Variants in GRXCR1 observed in about 807,000 individuals in gnomAD.
The protein encoded by GRXCR1 is glutaredoxin and cysteine rich domain containing 1, also known as glutaredoxin domain-containing cysteine-rich protein 1.
Under a neutral mutation model 27.3 loss-of-function variants are expected in GRXCR1, and 27 were observed. The observed-to-expected ratio is 0.99, with a 90% CI of 0.73 to 1.37. GRXCR1 has a LOEUF of 1.37. Ranked by LOEUF, GRXCR1 falls within the 40% of genes most tolerant of loss-of-function variation. The pLI is 0.00. For missense variants in GRXCR1, 379 were observed against 354.4 expected, an observed-to-expected ratio of 1.07 and a Z score of -0.56; for synonymous variants, 122 against 131.1, an observed-to-expected ratio of 0.93 and a Z score of 0.47.
At chr4:42,957,364 A>G (rs13133115) in intron 1 of GRXCR1, among the ~76,000 whole-genome samples, 1 of 152,020 alleles carries the variant, frequency 6.6e-6, no homozygotes, top group African/African-American at 2.4e-5. Context: ...TTTGCTCACC[A>G]TTATACACCT....
chr4:43,018,997 A>G (rs1052356848), intron 2 of GRXCR1, among the ~76,000 whole-genome samples: 4 of 152,296 alleles, frequency 2.6e-5, no homozygotes, highest in Admixed American at 6.5e-5. Context: ...TATCAGTTTG[A>G]CATTTTTTAT....
intron 2 of GRXCR1, among the ~76,000 whole-genome samples, chr4:42,998,309 TTAA>T (rs1386779910): frequency 1.3e-5 from 2 of 152,230 alleles, no homozygotes; most frequent in Non-Finnish European, 2.9e-5. Context: ...GACCCCTTTC[TTAA>T]TAAAGATAAA....
intron 2 of GRXCR1, 46 bp downstream of exon 2, chr4:42,963,180 G>A (rs755823447): frequency 1.4e-5 from 22 of 1,600,864 alleles, no homozygotes; most frequent in Non-Finnish European, 1.5e-5. Flanking sequence ...ACCCAACCAG[G>A]GCTGATAGAA....
chr4:43,009,837 G>A (rs142679121), intron 2 of GRXCR1, among the ~76,000 whole-genome samples: 18 of 152,254 alleles, frequency 1.2e-4, no homozygotes, highest in South Asian at 4.1e-4. Flanking sequence ...TCATTCTACA[G>A]CAATACATTT....
chr4:42,976,789 T>A (rs11947299), intron 2 of GRXCR1, among the ~76,000 whole-genome samples: 1 of 152,028 alleles, frequency 6.6e-6, no homozygotes, highest in South Asian at 2.1e-4. Context: ...TAACATAGCA[T>A]TATCTCACAT....
At chr4:43,000,611 C>A (rs1210669787) in intron 2 of GRXCR1, among the ~76,000 whole-genome samples, 3 of 151,190 alleles carry the variant, frequency 2.0e-5, no homozygotes, top group Non-Finnish European at 4.4e-5. Context: ...TACAATTATT[C>A]TATTTTACTA....
At chr4:42,953,461 T>G (rs1747929306) in intron 1 of GRXCR1, among the ~76,000 whole-genome samples, 1 of 152,140 alleles carries the variant, frequency 6.6e-6, no homozygotes. Flanking sequence ...GCTACAATCC[T>G]AGCCACCAGC....
At chr4:42,960,241 A>G (rs1056253020) in intron 1 of GRXCR1, among the ~76,000 whole-genome samples, 1 of 152,034 alleles carries the variant, frequency 6.6e-6, no homozygotes, top group African/African-American at 2.4e-5. Context: ...AAATGTACCT[A>G]TTCGAAGTAG....
intron 2 of GRXCR1, among the ~76,000 whole-genome samples, chr4:42,985,610 T>C (rs1711689095): frequency 6.6e-6 from 1 of 151,768 alleles, no homozygotes; most frequent in African/African-American, 2.4e-5. Flanking sequence ...ACCAGACACC[T>C]TTCACAATAG....
At chr4:42,992,749 T>C (rs1712016421) in intron 2 of GRXCR1, among the ~76,000 whole-genome samples, 1 of 152,048 alleles carries the variant, frequency 6.6e-6, no homozygotes. Context: ...AATCCTAAGG[T>C]GAGGTGATTG....
At chr4:42,987,248 A>ATATATAATATATAT (rs370379241) in intron 2 of GRXCR1, among the ~76,000 whole-genome samples, 3 of 67,564 alleles carry the variant, frequency 4.4e-5, no homozygotes, top group African/African-American at 1.6e-4. Context: ...TATAATATAT[A>ATATATAATATATAT]ATATATATAT....
intron 1 of GRXCR1, among the ~76,000 whole-genome samples, chr4:42,903,351 A>T (rs1474530983): frequency 5.7e-5 from 6 of 105,270 alleles, no homozygotes; most frequent in Non-Finnish European, 8.8e-5. Context: ...GGAGTCTCTC[A>T]CCCAGGCTGG....
At chr4:43,003,001 T>C (rs986153541) in intron 2 of GRXCR1, among the ~76,000 whole-genome samples, 9 of 152,140 alleles carry the variant, frequency 5.9e-5, no homozygotes, top group Non-Finnish European at 1.5e-5. Flanking sequence ...TCAAGAGATA[T>C]GATGGTTTAA....
chr4:42,932,613 TATATATAGAGAGAGAGAG>T (rs1421172319), intron 1 of GRXCR1, among the ~76,000 whole-genome samples: 50 of 39,286 alleles, frequency 1.3e-3, no homozygotes, highest in Non-Finnish European at 2.0e-3. Context: ...TATATATATA[TATATATAGAGAGAGAGAG>T]AGAGAGAGAG....
chr4:43,000,718 C>T (rs892736197), intron 2 of GRXCR1, among the ~76,000 whole-genome samples: 1 of 151,280 alleles, frequency 6.6e-6, no homozygotes, highest in African/African-American at 2.4e-5. Context: ...GCTTCCGTAC[C>T]ATCTTTGGTT....
intron 2 of GRXCR1, among the ~76,000 whole-genome samples, chr4:42,991,407 A>G (rs1033646881): frequency 6.6e-6 from 1 of 151,506 alleles, no homozygotes; most frequent in Non-Finnish European, 1.5e-5. Flanking sequence ...AGTTTTTAAA[A>G]TTTTATTTTT....
chr4:42,938,449 C>A (rs1029385798), intron 1 of GRXCR1, among the ~76,000 whole-genome samples: 4 of 151,872 alleles, frequency 2.6e-5, no homozygotes, highest in Non-Finnish European at 5.9e-5. Context: ...ATATACCTAG[C>A]ACTGAGATTG....
chr4:43,016,274 A>G (rs1712928869), intron 2 of GRXCR1, among the ~76,000 whole-genome samples: 1 of 152,200 alleles, frequency 6.6e-6, no homozygotes, highest in African/African-American at 2.4e-5. Context: ...CTGATCTTGA[A>G]TGGAGGGAAA....
At chr4:43,021,035 G>A (rs930574197) in intron 3 of GRXCR1, among the ~76,000 whole-genome samples, 5 of 152,168 alleles carry the variant, frequency 3.3e-5, no homozygotes, top group South Asian at 2.1e-4. Context: ...AAAAGTATGC[G>A]TTAGTAATTG....
Sources: allele counts gnomAD v4.1 joint callset (sites outside exome capture counted in the v4.1 genomes callset), GRCh38; gene constraint gnomAD v4.1.1; transcripts MANE v1.5; gene names NCBI Gene and HGNC (gene_info 2026-07-23, HGNC 2026-07-21).